A4GNT: variants seen among roughly 807,000 people sequenced by gnomAD.
The protein encoded by A4GNT is alpha-1,4-N-acetylglucosaminyltransferase.
Under a neutral mutation model 8.3 loss-of-function variants are expected in A4GNT, and 6 were observed. The ratio of observed to expected loss-of-function variants is 0.72; its 90% confidence interval spans 0.39 to 1.42. The LOEUF is 1.42. A4GNT is among the 40% of genes most tolerant of loss of function. The pLI is 0.02. For missense variants in A4GNT, 377 were observed against 417.0 expected (o/e 0.90, Z 0.84); for synonymous variants, 157 against 159.8 (o/e 0.98, Z 0.13).
Position 138,131,108 on chromosome 3 carries a change from C to T in A4GNT, c.149G>A (p.Arg50His), listed in dbSNP as rs1330005632. 7.4e-6 allele frequency: 12 copies of T among 1,613,590 alleles called. No homozygotes were observed. The highest frequency in any genetic ancestry group is 3.3e-5 in the Admixed American group (2 of 59,998). ...TGAGGTCTCTAGAAACACAATGCCA[C>T]GTCTGTGGCTCAGGAGGGCTTCCAG... ...QGLEALLSHRRGIVFLETSER... is the reference protein window; with the variant it reads ...QGLEALLSHRHGIVFLETSER... The change falls in exon 2 of 3, where the codon CGT becomes CAT. Residue 50 changes from arginine to histidine, a missense_variant. Arg to His is a conservative substitution (Grantham distance 29). Coordinates refer to ENST00000236709, the MANE Select transcript of A4GNT (RefSeq NM_016161.3).
intron 1 of A4GNT, among the ~76,000 whole-genome samples, chr3:138,131,577 A>C (rs1011457097): frequency 3.3e-5 from 5 of 152,116 alleles, no homozygotes; most frequent in Non-Finnish European, 5.9e-5. Flanking sequence ...AAAAAAGAAA[A>C]AGAAAAAGAC....
chr3:138,132,935 G>A (rs560841331), upstream of A4GNT, among the ~76,000 whole-genome samples: 24 of 152,220 alleles, frequency 1.6e-4, 1 homozygote, highest in South Asian at 2.1e-4. Context: ...TATAAGCCTC[G>A]TCCCAGTCTC....
upstream of A4GNT, among the ~76,000 whole-genome samples, chr3:138,132,611 T>C (rs1349048391): frequency 6.6e-6 from 1 of 152,190 alleles, no homozygotes; most frequent in Non-Finnish European, 1.5e-5. Context: ...TGTGGATCTA[T>C]TATGGGGGTT....
At chr3:138,124,944 G>A in intron 2 of A4GNT, 66 bp from the exon 3 acceptor site, 1 of 1,554,982 alleles carries the variant, frequency 6.4e-7, no homozygotes, top group Non-Finnish European at 8.7e-7. Flanking sequence ...CACAGCAGGA[G>A]GCCAGGCCCA....
intron 2 of A4GNT, among the ~76,000 whole-genome samples, 166 bp from the exon 3 acceptor site, chr3:138,125,044 C>G (rs1210009358): frequency 6.6e-6 from 1 of 152,118 alleles, no homozygotes; most frequent in East Asian, 1.9e-4. Flanking sequence ...TTACCTCACT[C>G]TAAAATTTTT....
Position 138,130,953 on chromosome 3 carries a change from A to T in A4GNT, c.304T>A (p.Tyr102Asn). ...DSTPMPSNST[Y>N]PAFSFLSAID... ...GCTGACAGGAAGGAAAAAGCTGGGT[A>T]TGTGGAGTTTGAGGGCATCGGTGTG... The change falls in exon 2 of 3, where the codon TAC (tyrosine) becomes AAC (asparagine). Residue 102 changes from tyrosine (Y) to asparagine (N), a missense_variant. Transcript: ENST00000236709. 6.2e-7 allele frequency: 1 copy of T among 1,614,172 alleles called. No individual in the cohort carries two copies. The highest frequency in any genetic ancestry group is 8.5e-7 in the Non-Finnish European group (1 of 1,180,018).
Position 138,124,186 on chromosome 3 carries a change from A to C in A4GNT, c.*78T>G. 33 of 1,515,412 alleles carry C rather than the reference A, an allele frequency of 2.2e-5. No homozygotes were observed. The highest frequency in any genetic ancestry group is 2.2e-5 in the Non-Finnish European group (25 of 1,120,440). The allele number at this position is 1,515,412 out of a possible 1,614,324, so 93.9% of individuals were successfully genotyped here. The stretch of plus-strand genomic sequence containing the variant: ...CCCTCTGCCCACCCCGCCAAGAGAC[A>C]GTGGAGATCAAGTGAAAATGTGGCA... On this transcript the variant is annotated 3_prime_UTR_variant, in exon 3 of 3. Coordinates refer to ENST00000236709, the MANE Select transcript of A4GNT (RefSeq NM_016161.3).
chr3:138,125,510 T>A (rs768578116), intron 2 of A4GNT, among the ~76,000 whole-genome samples: 2 of 152,116 alleles, frequency 1.3e-5, no homozygotes, highest in Non-Finnish European at 2.9e-5. Context: ...AAATAAACCT[T>A]CTGTGTTGGA....
rs139293455 is a variant in A4GNT at position 138,130,929 on chromosome 3, C to T, written c.328G>A (p.Ala110Thr). The T allele has an allele frequency of 1.2e-6, 2 of 1,613,964 alleles. No homozygotes were observed. The highest frequency in any genetic ancestry group is 2.7e-5 in the African/African-American group (2 of 74,890). ...STYPAFSFLS[A>T]IDNVFLFPLD... is the part of the protein sequence containing the mutation. ...GGGAAGAGGAAAACGTTGTCTATTG[C>T]TGACAGGAAGGAAAAAGCTGGGTAT... Residue 110 changes from alanine (A) to threonine (T), a missense_variant, in exon 2 of 3, where the codon GCA (alanine) becomes ACA (threonine). Transcript: ENST00000236709.
Position 138,124,701 on chromosome 3 carries a change from CAAATATT to C in A4GNT, c.579_585del (p.Ile194GlyfsTer32). 1 of 1,614,120 alleles carries C rather than the reference CAAATATT, an allele frequency of 6.2e-7. No individual in the cohort carries two copies. The highest frequency in any genetic ancestry group is 1.6e-4 in the Middle Eastern group (1 of 6,062). ...AAAAAGGGGTGGTGGGGGAGGAACC[CAAATATT>C]CCATTACTAGAGTACCGAGAAGCCT... On this transcript the variant is annotated frameshift_variant, in exon 3 of 3. Coordinates refer to ENST00000236709, the MANE Select transcript of A4GNT (RefSeq NM_016161.3). LOFTEE classifies it low-confidence loss of function (END_TRUNC).
intron 2 of A4GNT, among the ~76,000 whole-genome samples, chr3:138,127,535 C>A (rs933277777): frequency 6.6e-6 from 1 of 151,148 alleles, no homozygotes; most frequent in African/African-American, 2.4e-5. Flanking sequence ...GATCACGCCA[C>A]TGCACTCCAG....
rs984052061 is a variant in A4GNT at position 138,124,428 on chromosome 3, G to A, written c.859C>T (p.Leu287=). 5 of 1,614,078 alleles carry A rather than the reference G, an allele frequency of 3.1e-6. No homozygotes were observed. The Admixed American group carries it at 6.7e-5, about 22-fold the overall frequency. The change falls in exon 3 of 3, where the codon CTG becomes TTG. Residue 287 remains leucine, a synonymous_variant. Coordinates refer to ENST00000236709, the MANE Select transcript of A4GNT (RefSeq NM_016161.3). The part of the protein sequence containing the change: ...TEPSFNVSYA[L]HLWNHMNQEG... ...TGGTTCATGTGGTTCCACAAATGCA[G>A]GGCATAAGAGACATTGAAGCTTGGC...
rs527489691 is a variant in A4GNT at position 138,130,831 on chromosome 3, G to A, written c.408+18C>T. The A allele has an allele frequency of 2.5e-5, 40 of 1,608,858 alleles. No homozygotes were observed. The South Asian group carries it at 4.1e-4, about 16-fold the overall frequency. On this transcript the variant is annotated intron_variant, in intron 2 of 2. Coordinates refer to ENST00000236709, the MANE Select transcript of A4GNT (RefSeq NM_016161.3). Reference sequence around the variant, plus strand: ...TATATACAATTCGTTGACATTTTAAGTTTCCCTAAACACTTACTTGATTGT... The same window carrying A: ...TATATACAATTCGTTGACATTTTAAATTTCCCTAAACACTTACTTGATTGT...
In A4GNT at chr3:138,124,133, C is replaced by A; in HGVS notation, c.*131G>T. The A allele has an allele frequency of 4.0e-6, 5 of 1,261,888 alleles. No homozygotes were observed. The highest frequency in any genetic ancestry group is 5.4e-6 in the Non-Finnish European group (5 of 917,696). 78.2% of individuals were successfully genotyped at this position (1,261,888 alleles called of 1,614,324 possible). The stretch of plus-strand genomic sequence containing the variant: ...ATTTTTCTATTACAGACAGAGAAAG[C>A]TAATCCTAACTGACATTTGAGAGGC... On this transcript the variant is annotated 3_prime_UTR_variant, in exon 3 of 3. Coordinates refer to ENST00000236709, the MANE Select transcript of A4GNT (RefSeq NM_016161.3).
intron 2 of A4GNT, among the ~76,000 whole-genome samples, chr3:138,127,444 C>T (rs1390387383): frequency 2.6e-5 from 4 of 151,216 alleles, no homozygotes; most frequent in African/African-American, 7.3e-5. Flanking sequence ...CATGGTGGTG[C>T]GTGCTTGTAG....
chr3:138,133,284 A>C (rs2042788557), upstream of A4GNT, among the ~76,000 whole-genome samples: 1 of 152,176 alleles, frequency 6.6e-6, no homozygotes, highest in Non-Finnish European at 1.5e-5. Context: ...AGGTCTCCAC[A>C]AACCTCTTCC....
At position 138,124,383 on chromosome 3, in the gene A4GNT, T is replaced by C. The variant is rs2042731971; in HGVS notation, c.904A>G (p.Arg302Gly). The C allele has an allele frequency of 1.9e-6, 3 of 1,614,238 alleles. No homozygotes were observed. The highest frequency in any genetic ancestry group is 2.5e-6 in the Non-Finnish European group (3 of 1,180,042). ...TTTTCCACCAGTGTGTTGCTTCCTC[T>C]AATCACAGCCCGCCCCTCCTGGTTC... ...HMNQEGRAVI[R>G]GSNTLVENLY... is the part of the protein sequence containing the mutation. The change falls in exon 3 of 3, where the codon AGA becomes GGA. Residue 302 changes from arginine to glycine, a missense_variant. Physicochemically the swap from Arg to Gly is moderately radical, Grantham distance 125. Transcript: ENST00000236709.
chr3:138,133,168 C>T (rs376759164), upstream of A4GNT, among the ~76,000 whole-genome samples: 1 of 152,296 alleles, frequency 6.6e-6, no homozygotes, highest in East Asian at 1.9e-4. Flanking sequence ...CCTGAGCAGA[C>T]TTTAGATTCT....
chr3:138,128,147 CAT>C (rs1478137322), intron 2 of A4GNT, among the ~76,000 whole-genome samples: 12 of 152,174 alleles, frequency 7.9e-5, no homozygotes, highest in Admixed American at 6.5e-4. Context: ...TTAATATCCT[CAT>C]GTGTGTGATT....
Sources: allele counts gnomAD v4.1 joint callset (sites outside exome capture counted in the v4.1 genomes callset), GRCh38; gene constraint gnomAD v4.1.1; transcripts MANE v1.5; gene names NCBI Gene and HGNC (gene_info 2026-07-23, HGNC 2026-07-21).